Variants in ALK observed in about 807,000 individuals in gnomAD.
ALK encodes the protein ALK tyrosine kinase receptor.
ALK carries 74 observed loss-of-function variants against 163.1 expected under a neutral mutation model. The ratio of observed to expected loss-of-function variants is 0.45; its 90% CI spans 0.38 to 0.55. ALK has a LOEUF of 0.55. Ranked by LOEUF, ALK falls within the 20% of genes least tolerant of loss-of-function variation. ALK has a pLI of 0.00. For missense variants in ALK, 2,063 were observed against 2,105.3 expected, an observed-to-expected ratio of 0.98 and a Z score of 0.39; for synonymous variants, 960 against 843.2, an observed-to-expected ratio of 1.14 and a Z score of -2.40.
At chr2:29,650,922 G>A (rs1371364453) in intron 3 of ALK, among the ~76,000 whole-genome samples, 2 of 152,226 alleles carry the variant, frequency 1.3e-5, no homozygotes, top group Admixed American at 6.5e-5. Flanking sequence ...TGCACCAAAC[G>A]AATTAAATCA....
At chr2:29,502,303 T>C (rs762284854) in intron 4 of ALK, among the ~76,000 whole-genome samples, 2 of 152,214 alleles carry the variant, frequency 1.3e-5, no homozygotes, top group Non-Finnish European at 1.5e-5. Flanking sequence ...CAGAGCTTTG[T>C]ACAGAGTTAA....
rs36010663 is a variant in ALK, at chr2:29,343,377, TA to T, written c.1283-14897del. Among the ~76,000 whole-genome samples, 419 of 132,808 alleles carry T rather than the reference TA, an allele frequency of 3.2e-3. 3 individuals carry two copies. The highest frequency in any genetic ancestry group is 0.012 in the Middle Eastern group (3 of 254). The allele number at this position is 132,808 out of a possible 152,430, so 87.1% of individuals were successfully genotyped here. A position where few individuals can be genotyped will look rare whatever the true frequency, so the allele number is the denominator to read the frequency against. On this transcript the variant is annotated intron_variant, in intron 5 of 28. Transcript: ENST00000389048. The stretch of plus-strand genomic sequence containing the variant: ...GTGTGTGTCACTGCATCTGGCTAAG[TA>T]AAAAAAAAAAAAAAAATTTAGAGAT...
At chr2:29,363,293 C>T (rs1224719937) in intron 5 of ALK, among the ~76,000 whole-genome samples, 1 of 152,204 alleles carries the variant, frequency 6.6e-6, no homozygotes, top group Non-Finnish European at 1.5e-5. Flanking sequence ...CTTTGGCTTC[C>T]TTCTTCCTAG....
chr2:29,634,372 T>C (rs1341441527), intron 3 of ALK, among the ~76,000 whole-genome samples: 1 of 152,032 alleles, frequency 6.6e-6, no homozygotes, highest in Non-Finnish European at 1.5e-5. Flanking sequence ...GATGCAAACA[T>C]CTTTAACAAA....
At chr2:29,405,856 C>A (rs1018834901) in intron 4 of ALK, among the ~76,000 whole-genome samples, 1 of 152,172 alleles carries the variant, frequency 6.6e-6, no homozygotes, top group African/African-American at 2.4e-5. Flanking sequence ...CAGGTCCTGG[C>A]CCTTTAAGAT....
At chr2:29,854,967 A>T (rs924570471) in intron 1 of ALK, among the ~76,000 whole-genome samples, 10 of 152,100 alleles carry the variant, frequency 6.6e-5, no homozygotes, top group African/African-American at 2.2e-4. Flanking sequence ...TTTTTCTTGA[A>T]ATTTACCCTC....
intron 1 of ALK, among the ~76,000 whole-genome samples, chr2:29,771,111 A>G (rs948641633): frequency 2.6e-5 from 4 of 152,156 alleles, no homozygotes; most frequent in Admixed American, 2.0e-4. Flanking sequence ...ACGTACACAT[A>G]CATGCACACA....
At chr2:29,250,535 A>G (rs765453551) in intron 12 of ALK, among the ~76,000 whole-genome samples, 4 of 152,188 alleles carry the variant, frequency 2.6e-5, no homozygotes, top group Middle Eastern at 3.4e-3. Context: ...CTCCAGTCTT[A>G]CCATTAGCTT....
Position 29,839,865 on chromosome 2 carries a change from A to C in ALK, c.667+80128T>G, listed in dbSNP as rs556387911. ...GTAATAATGATAATGATATAATAAT[A>C]ATTGTGAGTTTACTACACACTACTC... is the stretch of plus-strand genomic sequence containing the variant. On this transcript the variant is annotated intron_variant, in intron 1 of 28. Coordinates refer to ENST00000389048, the MANE Select transcript of ALK (RefSeq NM_004304.5). Among the ~76,000 whole-genome samples the C allele has an allele frequency of 3.9e-5, 6 of 152,216 alleles. 1 individual carries two copies. The highest frequency in any genetic ancestry group is 1.2e-4 in the African/African-American group (5 of 41,534).
chr2:29,388,145 T>C (rs1274361543), intron 4 of ALK, among the ~76,000 whole-genome samples: 1 of 152,214 alleles, frequency 6.6e-6, no homozygotes, highest in Non-Finnish European at 1.5e-5. Context: ...AGCTTAGCTC[T>C]ATATGTTTAA....
In ALK at chr2:29,320,994, G is replaced by C. The variant is rs903917399; in HGVS notation, c.1415-112C>G. 1.3e-5 allele frequency: 17 copies of C among 1,330,956 alleles called. No homozygotes were observed. In the South Asian group the frequency reaches 1.8e-4, roughly 14 times the overall value. The allele number at this position is 1,330,956 out of a possible 1,614,324, so 82.4% of individuals were successfully genotyped here. A position where few individuals can be genotyped will look rare whatever the true frequency, so the allele number is the denominator to read the frequency against. ...CCAAATTATCTTCATTAGTAATATA[G>C]CTCCCCAGCCAGAATGCTGGATGAC... On this transcript the variant is annotated intron_variant, in intron 6 of 28. Transcript: ENST00000389048.
chr2:29,787,253 T>C (rs1026047245), intron 1 of ALK, among the ~76,000 whole-genome samples: 3 of 152,224 alleles, frequency 2.0e-5, no homozygotes, highest in Admixed American at 6.5e-5. Flanking sequence ...TATCTAGTGA[T>C]TGTTCATCTA....
chr2:29,638,744 C>G (rs2148243475), intron 3 of ALK, among the ~76,000 whole-genome samples: 1 of 152,246 alleles, frequency 6.6e-6, no homozygotes, highest in East Asian at 1.9e-4. Flanking sequence ...GAGGATCTGC[C>G]TATTTGGGAT....
At chr2:29,351,620 C>G (rs974126135) in intron 5 of ALK, among the ~76,000 whole-genome samples, 1 of 152,182 alleles carries the variant, frequency 6.6e-6, no homozygotes, top group African/African-American at 2.4e-5. Flanking sequence ...CTGGAGCAAT[C>G]AGATTCTCAG....
At chr2:29,717,768 A>T in intron 1 of ALK, 71 bp from the exon 2 acceptor site, 4 of 1,606,376 alleles carry the variant, frequency 2.5e-6, no homozygotes, top group Non-Finnish European at 3.4e-6. Flanking sequence ...ACTCAATATC[A>T]GTCAAAAATG....
intron 9 of ALK, 27 bp from the exon 10 acceptor site, chr2:29,275,523 G>A: frequency 6.2e-7 from 1 of 1,609,042 alleles, no homozygotes; most frequent in South Asian, 1.1e-5. Flanking sequence ...GAATGTGTGT[G>A]AGGAGCAAAC....
intron 11 of ALK, among the ~76,000 whole-genome samples, chr2:29,263,004 T>A (rs765355282): frequency 6.6e-6 from 1 of 152,266 alleles, no homozygotes; most frequent in Non-Finnish European, 1.5e-5. Flanking sequence ...TGGTTATTTC[T>A]AACTTGGCTT....
intron 4 of ALK, among the ~76,000 whole-genome samples, chr2:29,476,780 G>A (rs1441044405): frequency 6.6e-6 from 1 of 152,168 alleles, no homozygotes; most frequent in Non-Finnish European, 1.5e-5. Context: ...AAGAGCCCTG[G>A]GCTTTGTGGA....
At chr2:29,514,265 G>T (rs1357491820) in intron 4 of ALK, among the ~76,000 whole-genome samples, 1 of 147,232 alleles carries the variant, frequency 6.8e-6, no homozygotes, top group African/African-American at 2.5e-5. Context: ...GTCCAACAAT[G>T]ATAGACTGGA....
Sources: gnomAD v4.1 joint callset for allele counts (sites outside exome capture counted in the v4.1 genomes callset) on GRCh38, gnomAD v4.1.1 for gene constraint, MANE v1.5 for transcripts, NCBI Gene and HGNC (gene_info 2026-07-23, HGNC 2026-07-21) for gene names.